The following CENPW variants were observed in gnomAD, a reference collection of about 807,000 sequenced individuals.
The protein encoded by CENPW is cancer-up-regulated gene 2 protein.
Under a neutral mutation model 11.1 loss-of-function variants are expected in CENPW, and 3 were observed. The observed-to-expected ratio is 0.27, with a 90% CI of 0.12 to 0.70. The LOEUF (loss-of-function observed/expected upper bound fraction) is 0.70, where lower values mean the gene tolerates loss of function less well. Ranked by LOEUF, CENPW falls within the 30% of genes least tolerant of loss-of-function variation. The probability of loss-of-function intolerance (pLI) is 0.77; values close to 1 mark genes in which losing one functional copy is unlikely to be tolerated. For missense variants in CENPW, 100 were observed against 105.6 expected, an observed-to-expected ratio of 0.95 and a Z score of 0.23; for synonymous variants, 38 against 42.0, an observed-to-expected ratio of 0.91 and a Z score of 0.37.
the CENPW span, among the ~76,000 whole-genome samples, chr6:126,467,704 T>C: frequency 6.6e-6 from 1 of 152,210 alleles, no homozygotes; most frequent in Non-Finnish European, 1.5e-5. Context: ...AAATAATTTA[T>C]GCAGATACTG....
chr6:126,464,631 C>G, the CENPW span, among the ~76,000 whole-genome samples: 12 of 152,182 alleles, frequency 7.9e-5, no homozygotes, highest in African/African-American at 2.7e-4. Flanking sequence ...TTTGGACTTA[C>G]ACCAGTGGTT....
At chr6:126,430,335 C>T in the CENPW span, among the ~76,000 whole-genome samples, 17 of 152,298 alleles carry the variant, frequency 1.1e-4, no homozygotes, top group Admixed American at 9.2e-4. Flanking sequence ...CAGTGCTCAA[C>T]ATAGAAAAGA....
chr6:126,475,262 AT>A, the CENPW span, among the ~76,000 whole-genome samples: 1 of 152,024 alleles, frequency 6.6e-6, no homozygotes, highest in African/African-American at 2.4e-5. Flanking sequence ...TTGCTTCCAA[AT>A]CTTAGCTATT....
chr6:126,361,483 G>C, the CENPW span, among the ~76,000 whole-genome samples: 2 of 152,146 alleles, frequency 1.3e-5, no homozygotes, highest in Admixed American at 6.5e-5. Flanking sequence ...TTTTAGTAGA[G>C]ACGGGGTTTC....
the CENPW span, among the ~76,000 whole-genome samples, chr6:126,466,758 G>T: frequency 2.0e-5 from 3 of 151,934 alleles, no homozygotes; most frequent in Admixed American, 6.6e-5. Flanking sequence ...TGACCCAAAA[G>T]CTCCTTCAGC....
chr6:126,387,138 AAT>A, the CENPW span, among the ~76,000 whole-genome samples: 1 of 148,998 alleles, frequency 6.7e-6, no homozygotes, highest in African/African-American at 2.6e-5. Context: ...TCTTTTAATA[AAT>A]AAATTCCAAG....
chr6:126,384,451 A>G, the CENPW span, among the ~76,000 whole-genome samples: 1 of 152,174 alleles, frequency 6.6e-6, no homozygotes, highest in African/African-American at 2.4e-5. Flanking sequence ...GGAACAGAAT[A>G]GAGAGCCCAG....
the CENPW span, among the ~76,000 whole-genome samples, chr6:126,416,670 G>A: frequency 6.6e-6 from 1 of 152,300 alleles, no homozygotes; most frequent in Non-Finnish European, 1.5e-5. Flanking sequence ...GTCAGGCCAT[G>A]GCTTCAGAGG....
At chr6:126,361,436 C>T in the CENPW span, among the ~76,000 whole-genome samples, 2 of 152,084 alleles carry the variant, frequency 1.3e-5, no homozygotes, top group African/African-American at 4.8e-5. Context: ...GCTGGGACTA[C>T]AGGCGCCGGC....
chr6:126,369,147 T>C, the CENPW span, among the ~76,000 whole-genome samples: 1 of 152,120 alleles, frequency 6.6e-6, no homozygotes, highest in South Asian at 2.1e-4. Flanking sequence ...TTCCATGGTG[T>C]GTGTATATAT....
chr6:126,360,579 T>G, the CENPW span, among the ~76,000 whole-genome samples: 1 of 152,192 alleles, frequency 6.6e-6, no homozygotes, highest in African/African-American at 2.4e-5. Flanking sequence ...AAGTTTGGTA[T>G]CTTTACATAA....
the CENPW span, among the ~76,000 whole-genome samples, chr6:126,473,736 C>G: frequency 6.6e-6 from 1 of 151,474 alleles, no homozygotes; most frequent in Non-Finnish European, 1.5e-5. Flanking sequence ...CTCTCTCTCT[C>G]TCTCTCTCTC....
chr6:126,394,044 T>G, the CENPW span, among the ~76,000 whole-genome samples: 1 of 151,966 alleles, frequency 6.6e-6, no homozygotes, highest in African/African-American at 2.4e-5. Flanking sequence ...GTATGTTTGT[T>G]GTAGGCAACA....
the CENPW span, among the ~76,000 whole-genome samples, chr6:126,482,834 C>G: frequency 1.5e-4 from 23 of 151,940 alleles, no homozygotes; most frequent in African/African-American, 4.3e-4. Flanking sequence ...TATATAAAGT[C>G]CTTGCATTTC....
chr6:126,400,482 C>A, the CENPW span, among the ~76,000 whole-genome samples: 11 of 151,816 alleles, frequency 7.2e-5, no homozygotes, highest in Admixed American at 6.6e-5. Context: ...ATCTGTGTTT[C>A]TTGTTGTTGT....
At position 126,348,448 on chromosome 6, in the gene CENPW, T is replaced by A; in HGVS notation, c.241-18T>A. 7.9e-7 allele frequency: 1 copy of A among 1,271,236 alleles called. No homozygotes were observed. Among genetic ancestry groups the A allele is most frequent in the South Asian group, 1.2e-5 (1 of 81,658 alleles). The allele number at this position is 1,271,236 out of a possible 1,614,324, so 78.7% of individuals were successfully genotyped here. A position where few individuals can be genotyped will look rare whatever the true frequency, so the allele number is the denominator to read the frequency against. Reference sequence around the variant, plus strand: ...TTTCATAGATATAATATGAATCTTATTTTTTTCCCTCTTACAGGTAATTCT... The same window carrying A: ...TTTCATAGATATAATATGAATCTTAATTTTTTCCCTCTTACAGGTAATTCT... On this transcript the variant is annotated intron_variant, in intron 2 of 2. Coordinates refer to ENST00000368328, the MANE Select transcript of CENPW (RefSeq NM_001012507.4).
In CENPW at chr6:126,340,318, G is replaced by A. The variant is rs533023379; in HGVS notation, c.45G>A (p.Arg15=). The A allele has an allele frequency of 7.9e-5, 128 of 1,614,098 alleles. 3 individuals are homozygous for A. The Middle Eastern group carries it at 1.5e-3, about 19-fold the overall frequency. ...TIVSQRKQIK[R]KAPRGFLKRV... ...TCTCCCAGAGGAAGCAGATAAAGCG[G>A]AAGGCTCCCCGTGGCTTTCTAAAGC... Residue 15 remains arginine (R), a synonymous_variant, in exon 1 of 3, where the codon CGG becomes CGA. Transcript: ENST00000368328.
At chr6:126,455,069 A>C in the CENPW span, among the ~76,000 whole-genome samples, 2 of 151,310 alleles carry the variant, frequency 1.3e-5, no homozygotes, top group Admixed American at 1.3e-4. Flanking sequence ...AAATTGAATC[A>C]GTCGTTAGAA....
At chr6:126,475,398 C>T in the CENPW span, among the ~76,000 whole-genome samples, 1 of 151,652 alleles carries the variant, frequency 6.6e-6, no homozygotes, top group Non-Finnish European at 1.5e-5. Context: ...TAAATAGATA[C>T]AAATTTTTTT....
Sources: allele counts gnomAD v4.1 joint callset (sites outside exome capture counted in the v4.1 genomes callset), GRCh38; gene constraint gnomAD v4.1.1; transcripts MANE v1.5; gene names NCBI Gene and HGNC (gene_info 2026-07-23, HGNC 2026-07-21).